Variants in MEF2C observed in about 807,000 individuals in gnomAD.
MEF2C encodes myocyte enhancer factor 2C.
Under a neutral mutation model 50.5 loss-of-function variants are expected in MEF2C, and 6 were observed. The ratio of observed to expected loss-of-function variants is 0.12; its 90% confidence interval spans 0.07 to 0.23. The LOEUF (loss-of-function observed/expected upper bound fraction) is 0.23, where lower values mean the gene tolerates loss of function less well. Among genes scored for constraint, MEF2C ranks in the 10% least tolerant of loss-of-function variants. MEF2C has a pLI of 1.00. For missense variants in MEF2C, 276 were observed against 605.0 expected (o/e 0.46, Z 5.70); for synonymous variants, 183 against 228.0 (o/e 0.80, Z 1.78).
chr5:88,740,300 G>A (rs1298964863), intron 6 of MEF2C: 2 of 984,068 alleles, frequency 2.0e-6, no homozygotes, highest in African/African-American at 1.8e-5. Flanking sequence ...GAGACAATGA[G>A]CTTTTAACGT....
At chr5:88,863,177 G>A (rs934506908) in intron 1 of MEF2C, among the ~76,000 whole-genome samples, 1 of 152,102 alleles carries the variant, frequency 6.6e-6, no homozygotes, top group African/African-American at 2.4e-5. Context: ...TCAATTAAGC[G>A]TTTACCTCAT....
In MEF2C at chr5:88,902,311, G is replaced by T. The variant is rs956744085; in HGVS notation, c.-240+1605C>A. Among the ~76,000 whole-genome samples the T allele has an allele frequency of 1.4e-3, 214 of 151,824 alleles. 4 individuals are homozygous for T. The highest frequency in any genetic ancestry group is 2.7e-4 in the Non-Finnish European group (18 of 67,756). Reference sequence around the variant, plus strand: ...TGACAAAATATATATGAAAGTAGCAGCTTGAAATCGCAATAAATACACATA... The same window carrying T: ...TGACAAAATATATATGAAAGTAGCATCTTGAAATCGCAATAAATACACATA... On this transcript the variant is annotated intron_variant, in intron 1 of 11. Coordinates refer to the MEF2C transcript ENST00000340208.
chr5:88,749,497 T>A (rs1359179430), intron 5 of MEF2C: 4 of 984,704 alleles, frequency 4.1e-6, no homozygotes, highest in Non-Finnish European at 4.8e-6. Context: ...TCTTTGTAAA[T>A]ATGTTTTATG....
At chr5:88,829,221 T>C (rs1481296551) in intron 1 of MEF2C, among the ~76,000 whole-genome samples, 2 of 152,016 alleles carry the variant, frequency 1.3e-5, no homozygotes, top group East Asian at 1.9e-4. Flanking sequence ...CTTTGTGTAC[T>C]AGGCAATTCT....
chr5:88,779,364 C>T (rs932977419), intron 3 of MEF2C, among the ~76,000 whole-genome samples: 5 of 152,078 alleles, frequency 3.3e-5, no homozygotes, highest in Middle Eastern at 3.4e-3. Context: ...CAGTCTATAC[C>T]GAGATGAATG....
intron 10 of MEF2C, among the ~76,000 whole-genome samples, chr5:88,725,248 T>C (rs575061661): frequency 6.6e-6 from 1 of 152,254 alleles, no homozygotes; most frequent in African/African-American, 2.4e-5. Context: ...ATTTATCTTT[T>C]GGTGGAATTT....
At chr5:88,840,814 T>A (rs570486916) in intron 1 of MEF2C, among the ~76,000 whole-genome samples, 2 of 152,326 alleles carry the variant, frequency 1.3e-5, no homozygotes, top group South Asian at 4.1e-4. Context: ...AAAATCTGTG[T>A]GTGGTTTAGA....
At chr5:88,864,073 T>G (rs1015267366) in intron 1 of MEF2C, among the ~76,000 whole-genome samples, 1 of 151,800 alleles carries the variant, frequency 6.6e-6, no homozygotes. Flanking sequence ...CTTCCAGCCT[T>G]GGCCTCCCGA....
At chr5:88,751,797 C>A in intron 5 of MEF2C, 60 bp downstream of exon 5, 2 of 1,548,176 alleles carry the variant, frequency 1.3e-6, no homozygotes, top group Admixed American at 3.4e-5. Flanking sequence ...GCAGTGTTGG[C>A]TTTGCCGAAA....
chr5:88,822,175 A>ATTCTTT lies in MEF2C; in HGVS notation c.54+1559_54+1560insAAAGAA, dbSNP rs1808713098. Among the ~76,000 whole-genome samples, 6 of 152,140 alleles carry ATTCTTT rather than the reference A, an allele frequency of 3.9e-5. 1 individual carries two copies. The highest frequency in any genetic ancestry group is 1.4e-4 in the African/African-American group (6 of 41,554). ...TAACTTTGCAAGCAAAAGAAGATAT[A>ATTCTTT]ATGAATATCATAAACCTAAAAATTA... On this transcript the variant is annotated intron_variant, in intron 2 of 10. Coordinates refer to ENST00000504921, the MANE Select transcript of MEF2C (RefSeq NM_002397.5).
At chr5:88,761,663 ACT>A (rs1261082218) in intron 3 of MEF2C, 5 of 204,718 alleles carry the variant, frequency 2.4e-5, no homozygotes, top group Admixed American at 5.7e-5. Context: ...AAATTGCAAC[ACT>A]CTCTTCCCAC....
intron 1 of MEF2C, among the ~76,000 whole-genome samples, chr5:88,896,576 T>G (rs1835140713): frequency 6.6e-6 from 1 of 152,158 alleles, no homozygotes; most frequent in African/African-American, 2.4e-5. Context: ...ACAGGGTACA[T>G]AAACAAATAT....
At chr5:88,730,170 C>G (rs926442699) in intron 8 of MEF2C, 41 bp downstream of exon 8, 3 of 1,565,438 alleles carry the variant, frequency 1.9e-6, no homozygotes, top group Non-Finnish European at 2.6e-6. Flanking sequence ...CTAAAAGTAG[C>G]TTTGCACATG....
rs779924552 is a variant in MEF2C at position 88,804,631 on chromosome 5, C to A, written c.225G>T (p.Pro75=). Residue 75 remains proline (P), a synonymous_variant, in exon 3 of 11, where the codon CCG becomes CCT. Coordinates refer to ENST00000504921, the MANE Select transcript of MEF2C (RefSeq NM_002397.5). ...TGTCTGAGTTTGTCCGGCTCTCATG[C>A]GGCTCGTTGTACTCCGTGTACTTGA... ...VLLKYTEYNE[P]HESRTNSDIV... is the part of the protein sequence containing the mutation. 6 of 1,613,960 alleles carry A rather than the reference C, an allele frequency of 3.7e-6. No homozygotes were observed. The African/African-American group carries it at 4.0e-5, about 11-fold the overall frequency.
intron 6 of MEF2C, chr5:88,735,724 C>A (rs1763794756): frequency 1.0e-6 from 1 of 985,240 alleles, no homozygotes. Context: ...AGTTAACTTG[C>A]AAACACTTGC....
intron 1 of MEF2C, among the ~76,000 whole-genome samples, chr5:88,870,359 T>C (rs1829127157): frequency 6.6e-6 from 1 of 152,006 alleles, no homozygotes; most frequent in Non-Finnish European, 1.5e-5. Context: ...GCAATGCATA[T>C]ATTCTCAGTT....
chr5:88,743,897 A>G (rs1010529306), intron 6 of MEF2C: 5 of 916,196 alleles, frequency 5.5e-6, no homozygotes, highest in Admixed American at 1.2e-4. Context: ...TATCTAATTT[A>G]CAATAAATGC....
intron 3 of MEF2C, among the ~76,000 whole-genome samples, chr5:88,790,378 C>G (rs1315055892): frequency 6.6e-6 from 1 of 152,206 alleles, no homozygotes. Context: ...ATCACCTGGT[C>G]AGAAATAAAG....
chr5:88,853,203 G>A (rs1241311559), intron 1 of MEF2C, among the ~76,000 whole-genome samples: 1 of 152,176 alleles, frequency 6.6e-6, no homozygotes, highest in Non-Finnish European at 1.5e-5. Flanking sequence ...CAGCCTGAGC[G>A]ATGGTGAGAC....
Sources: allele counts gnomAD v4.1 joint callset (sites outside exome capture counted in the v4.1 genomes callset), GRCh38; gene constraint gnomAD v4.1.1; transcripts MANE v1.5; gene names NCBI Gene and HGNC (gene_info 2026-07-23, HGNC 2026-07-21).